KLRF2: variants seen among roughly 807,000 people sequenced by gnomAD.
The protein encoded by KLRF2 is killer cell lectin like receptor F2, also known as killer cell lectin-like receptor subfamily F member 2.
In KLRF2, 28 loss-of-function variants were observed where a neutral mutation model predicts 25.3. The observed-to-expected ratio is 1.11, with a 90% CI of 0.82 to 1.52. KLRF2 has a LOEUF of 1.52. KLRF2 is among the 40% of genes most tolerant of loss of function. The pLI is 0.00. For missense variants in KLRF2, 265 were observed against 245.8 expected, an observed-to-expected ratio of 1.08 and a Z score of -0.52; for synonymous variants, 73 against 85.0, an observed-to-expected ratio of 0.86 and a Z score of 0.78.
intron 1 of KLRF2, among the ~76,000 whole-genome samples, chr12:9,884,459 C>T (rs1296083745): frequency 1.3e-5 from 2 of 151,274 alleles, no homozygotes; most frequent in Admixed American, 6.6e-5. Context: ...ATATTTCTTT[C>T]CCTCTTTTAT....
At chr12:9,882,641 T>C (rs1565520435) in intron 1 of KLRF2, among the ~76,000 whole-genome samples, 1 of 151,894 alleles carries the variant, frequency 6.6e-6, no homozygotes, top group Admixed American at 6.6e-5. Flanking sequence ...ATTAGCTGGG[T>C]ATGGTGGCGT....
chr12:9,890,742 C>G (rs1862666449), intron 3 of KLRF2, among the ~76,000 whole-genome samples: 1 of 152,146 alleles, frequency 6.6e-6, no homozygotes, highest in African/African-American at 2.4e-5. Context: ...CGTCATCTTG[C>G]TGTCTAACAT....
At chr12:9,893,322 A>G (rs1862708839) in intron 4 of KLRF2, 107 bp from the exon 5 acceptor site, 4 of 810,704 alleles carry the variant, frequency 4.9e-6, no homozygotes, top group Admixed American at 5.9e-5. Flanking sequence ...ATGCTAATGT[A>G]TATGAAAAAA....
At chr12:9,885,061 C>A in intron 2 of KLRF2, 29 bp downstream of exon 2, 2 of 851,456 alleles carry the variant, frequency 2.3e-6, no homozygotes, top group Non-Finnish European at 3.2e-6. Context: ...TTTATTTGAA[C>A]ATTTTCAGAA....
At chr12:9,888,346 T>C (rs1862627542) in intron 2 of KLRF2, among the ~76,000 whole-genome samples, 1 of 151,530 alleles carries the variant, frequency 6.6e-6, no homozygotes, top group African/African-American at 2.4e-5. Context: ...AAAAATTAGC[T>C]GGGCATGGTG....
intron 1 of KLRF2, 133 bp downstream of exon 1, chr12:9,881,798 T>C: frequency 2.9e-6 from 2 of 685,506 alleles, no homozygotes; most frequent in Non-Finnish European, 4.8e-6. Flanking sequence ...AATTGTCTGT[T>C]AGATTATTTA....
chr12:9,889,997 G>T lies in KLRF2; in HGVS notation c.217+1217G>T, dbSNP rs1862655459. Among the ~76,000 whole-genome samples the T allele has an allele frequency of 3.3e-5, 5 of 151,768 alleles. No individual in the cohort carries two copies. The South Asian group carries it at 1.0e-3, about 32-fold the overall frequency. On this transcript the variant is annotated intron_variant, in intron 3 of 5. Transcript: ENST00000535540. Reference sequence around the variant, plus strand: ...AATATACATGAAAGTAGAGAGAATTGTATAATAAATCTTCTTGTACCTTTA... The same window carrying T: ...AATATACATGAAAGTAGAGAGAATTTTATAATAAATCTTCTTGTACCTTTA...
intron 1 of KLRF2, among the ~76,000 whole-genome samples, chr12:9,883,595 T>C (rs973129206): frequency 2.6e-5 from 4 of 152,240 alleles, no homozygotes; most frequent in African/African-American, 9.6e-5. Flanking sequence ...ATACCCTTGA[T>C]TGATATTTTC....
Position 9,884,851 on chromosome 12 carries a change from T to G in KLRF2, c.71-83T>G, listed in dbSNP as rs1868132815. The G allele has an allele frequency of 2.5e-4, 113 of 451,118 alleles. 1 individual carries two copies. The highest frequency in any genetic ancestry group is 6.6e-4 in the East Asian group (18 of 27,188). 27.9% of individuals were successfully genotyped at this position (451,118 alleles called of 1,614,324 possible). A position where few individuals can be genotyped will look rare whatever the true frequency, so the allele number is the denominator to read the frequency against. On this transcript the variant is annotated intron_variant, in intron 1 of 5. Coordinates refer to ENST00000535540, the MANE Select transcript of KLRF2 (RefSeq NM_001190765.1). ...TCTAATGACATATCTAAAATGAACA[T>G]GAGTTGTCTCTGTAATAAAAATGAA...
At position 9,893,488 on chromosome 12, in the gene KLRF2, A is replaced by C; in HGVS notation, c.426A>C (p.Thr142=). The C allele has an allele frequency of 6.6e-7, 1 of 1,525,130 alleles. No homozygotes were observed. Among genetic ancestry groups the C allele is most frequent in the Non-Finnish European group, 8.8e-7 (1 of 1,137,870 alleles). 94.5% of individuals were successfully genotyped at this position (1,525,130 alleles called of 1,614,324 possible). The change falls in exon 5 of 6, where the codon ACA becomes ACC. Residue 142 remains threonine, a synonymous_variant. Coordinates refer to ENST00000535540, the MANE Select transcript of KLRF2 (RefSeq NM_001190765.1). ...GHFGWIGLYV[T]FQGNLWMWID... The stretch of plus-strand genomic sequence containing the variant: ...TTGGTTGGATTGGACTATATGTTAC[A>C]TTCCAAGGGAACCTATGGATGTGGA...
chr12:9,893,656 T>C, intron 5 of KLRF2, 115 bp downstream of exon 5: 1 of 435,758 alleles, frequency 2.3e-6, no homozygotes, highest in Non-Finnish European at 3.9e-6. Context: ...TATCTTTACA[T>C]TTTTTTCTAC....
chr12:9,887,809 T>A (rs1287756345), intron 2 of KLRF2, among the ~76,000 whole-genome samples: 1 of 151,724 alleles, frequency 6.6e-6, no homozygotes. Flanking sequence ...CCCAGCACTT[T>A]GGGAGGCCAA....
intron 3 of KLRF2, among the ~76,000 whole-genome samples, chr12:9,889,427 G>GAT (rs1436453025): frequency 3.9e-5 from 6 of 152,116 alleles, no homozygotes; most frequent in Non-Finnish European, 7.4e-5. Context: ...CCTCCATAAA[G>GAT]TGGGTGGATC....
intron 5 of KLRF2, among the ~76,000 whole-genome samples, chr12:9,894,772 A>G (rs1256677586): frequency 2.6e-5 from 4 of 152,206 alleles, no homozygotes; most frequent in Admixed American, 2.6e-4. Context: ...ATAAAACTAA[A>G]GGATGAAGTA....
chr12:9,883,916 A>G (rs1868121519), intron 1 of KLRF2, among the ~76,000 whole-genome samples: 1 of 152,226 alleles, frequency 6.6e-6, no homozygotes, highest in African/African-American at 2.4e-5. Flanking sequence ...TGTGAAATGT[A>G]CAACCAAGGT....
intron 3 of KLRF2, among the ~76,000 whole-genome samples, chr12:9,890,997 T>C (rs897257457): frequency 6.6e-6 from 1 of 152,202 alleles, no homozygotes; most frequent in African/African-American, 2.4e-5. Context: ...TTGCATTTGG[T>C]TAATATGCCT....
chr12:9,894,753 T>C (rs767646080), intron 5 of KLRF2, among the ~76,000 whole-genome samples: 4 of 152,206 alleles, frequency 2.6e-5, no homozygotes, highest in Non-Finnish European at 5.9e-5. Context: ...ATTATCATCC[T>C]TCATGAGCAT....
At chr12:9,889,721 G>A (rs950187841) in intron 3 of KLRF2, among the ~76,000 whole-genome samples, 1 of 151,426 alleles carries the variant, frequency 6.6e-6, no homozygotes, top group Non-Finnish European at 1.5e-5. Flanking sequence ...AATGCCATTG[G>A]TTGTGGCTAT....
intron 2 of KLRF2, 24 bp from the exon 3 acceptor site, chr12:9,888,709 A>G (rs1356392618): frequency 1.5e-6 from 2 of 1,368,798 alleles, no homozygotes; most frequent in South Asian, 2.5e-5. Context: ...TGTTTCTCAT[A>G]TCTTTTCTTT....
Sources: gnomAD v4.1 joint callset for allele counts (sites outside exome capture counted in the v4.1 genomes callset) on GRCh38, gnomAD v4.1.1 for gene constraint, MANE v1.5 for transcripts, NCBI Gene and HGNC (gene_info 2026-07-23, HGNC 2026-07-21) for gene names.